The following GBP6 variants were observed in gnomAD, a reference collection of about 807,000 sequenced individuals.
GBP6 encodes the protein guanylate-binding protein 6.
GBP6 carries 54 observed loss-of-function variants against 61.5 expected under a neutral mutation model. That is an observed-to-expected ratio of 0.88 (90% CI 0.71 to 1.10). The LOEUF is 1.10. Among genes scored for constraint, GBP6 ranks in the 50% least tolerant of loss-of-function variants. The probability of loss-of-function intolerance (pLI) is 0.00; values close to 1 mark genes in which losing one functional copy is unlikely to be tolerated. For synonymous variants in GBP6, 255 were observed against 273.7 expected, an observed-to-expected ratio of 0.93 and a Z score of 0.67; for missense variants, 748 against 752.8, an observed-to-expected ratio of 0.99 and a Z score of 0.07.
In GBP6 at chr1:89,381,795, G is replaced by A. The variant is rs1652985983; in HGVS notation, c.973G>A (p.Ala325Thr). ...AACTCTGGCCCAGCGTGAGAACTCA[G>A]CGGCCGTGCAGAGGGCAGCTGACTA... is the stretch of plus-strand genomic sequence containing the variant. Reference protein sequence around the residue: ...VITLAQRENSAAVQRAADYYS... With the variant: ...VITLAQRENSTAVQRAADYYS... Residue 325 changes from alanine (A) to threonine (T), a missense_variant, in exon 7 of 11, where the codon GCG (alanine) becomes ACG (threonine). Physicochemically the swap from Ala to Thr is moderately conservative, Grantham distance 58. Transcript: ENST00000370456. 6.2e-7 allele frequency: 1 copy of A among 1,614,134 alleles called. No homozygotes were observed. The highest frequency in any genetic ancestry group is 8.5e-7 in the Non-Finnish European group (1 of 1,180,008).
Position 89,378,498 on chromosome 1 carries a change from G to A in GBP6, c.510G>A (p.Val170=). The stretch of plus-strand genomic sequence containing the variant: ...GAGTAGAAGATTCCACAGAGTTTGT[G>A]AGTTTCTTCCCAGACTTTCTTTGGA... ...PDGVEDSTEF[V]SFFPDFLWTV... The change falls in exon 5 of 11, where the codon GTG becomes GTA. Residue 170 remains valine, a synonymous_variant. Transcript: ENST00000370456. 1 of 1,614,142 alleles carries A rather than the reference G, an allele frequency of 6.2e-7. No homozygotes were observed. Among genetic ancestry groups the A allele is most frequent in the Non-Finnish European group, 8.5e-7 (1 of 1,179,990 alleles).
At chr1:89,371,586 A>G (rs1266669026) in intron 3 of GBP6, among the ~76,000 whole-genome samples, 1 of 152,254 alleles carries the variant, frequency 6.6e-6, no homozygotes, top group Non-Finnish European at 1.5e-5. Flanking sequence ...CAATAGATGC[A>G]GAAAAGGCCT....
chr1:89,380,294 G>A, intron 5 of GBP6, 92 bp from the exon 6 acceptor site: 1 of 1,127,274 alleles, frequency 8.9e-7, no homozygotes, highest in Non-Finnish European at 1.3e-6. Context: ...ATAGAAGATG[G>A]CAAAAAGACA....
At chr1:89,365,815 T>C (rs1019019232) in intron 1 of GBP6, among the ~76,000 whole-genome samples, 11 of 152,222 alleles carry the variant, frequency 7.2e-5, no homozygotes, top group African/African-American at 2.7e-4. Flanking sequence ...ACCTCCTTGG[T>C]CAAGGCCACA....
At chr1:89,377,960 A>C (rs1652852229) in intron 3 of GBP6, 143 bp from the exon 4 acceptor site, 1 of 712,364 alleles carries the variant, frequency 1.4e-6, no homozygotes, top group African/African-American at 1.8e-5. Flanking sequence ...TATTGTAACA[A>C]ACTGTTGTTT....
chr1:89,385,254 G>A lies in GBP6; in HGVS notation c.1687G>A (p.Gly563Arg), dbSNP rs775373620. Residue 563 changes from glycine to arginine, a missense_variant, in exon 11 of 11, where the codon GGA becomes AGA. Coordinates refer to ENST00000370456, the MANE Select transcript of GBP6 (RefSeq NM_198460.3). ...QKVQNDWLHE[G>R]FKKKYEEMNA... is the part of the protein sequence containing the mutation. ...GGTCCAAAATGATTGGCTTCATGAA[G>A]GATTTAAGAAGAAGTATGAGGAGAT... is the stretch of plus-strand genomic sequence containing the variant. 8.1e-6 allele frequency: 13 copies of A among 1,613,434 alleles called. No individual in the cohort carries two copies. The highest frequency in any genetic ancestry group is 1.0e-5 in the Non-Finnish European group (12 of 1,179,550).
chr1:89,379,353 G>GT (rs1557541345), intron 5 of GBP6, among the ~76,000 whole-genome samples: 1 of 152,060 alleles, frequency 6.6e-6, no homozygotes, highest in East Asian at 1.9e-4. Flanking sequence ...CATTGGGGGG[G>GT]GGGGGTCATA....
rs1448528526 is a variant in GBP6, at chr1:89,380,508, G to C, written c.748G>C (p.Glu250Gln). The C allele has an allele frequency of 1.2e-6, 2 of 1,614,088 alleles. No individual in the cohort carries two copies. The highest frequency in any genetic ancestry group is 2.2e-5 in the East Asian group (1 of 44,874). The part of the protein sequence containing the change: ...TNDKDLLANI[E>Q]KVSEKQLDPK... Reference sequence around the variant, plus strand: ...TGACAAAGACCTTCTAGCCAATATTGAGAAGGTGTCAGAAAAGCAACTGGA... The same window carrying C: ...TGACAAAGACCTTCTAGCCAATATTCAGAAGGTGTCAGAAAAGCAACTGGA... The change falls in exon 6 of 11, where the codon GAG becomes CAG. Residue 250 changes from glutamate to glutamine, a missense_variant. Physicochemically the swap from Glu to Gln is conservative, Grantham distance 29. Transcript: ENST00000370456.
intron 3 of GBP6, among the ~76,000 whole-genome samples, chr1:89,376,123 C>T (rs888799746): frequency 6.6e-5 from 10 of 152,174 alleles, no homozygotes; most frequent in Non-Finnish European, 1.2e-4. Context: ...TTGCCAATGA[C>T]AGGATTTCCT....
At chr1:89,366,833 C>A (rs1371998153) in intron 1 of GBP6, among the ~76,000 whole-genome samples, 1 of 152,172 alleles carries the variant, frequency 6.6e-6, no homozygotes, top group East Asian at 1.9e-4. Context: ...GCATTCCCTC[C>A]TCCCCCAGCC....
chr1:89,383,829 C>A (rs1415964178), intron 9 of GBP6, 75 bp downstream of exon 9: 2 of 1,165,012 alleles, frequency 1.7e-6, no homozygotes, highest in South Asian at 2.8e-5. Flanking sequence ...ACAGGAAAAC[C>A]TTCCCAAAAT....
chr1:89,386,968 A>G lies in GBP6; in HGVS notation c.*1499A>G, dbSNP rs552371120. Among the ~76,000 whole-genome samples the G allele has an allele frequency of 6.6e-6, 1 of 152,316 alleles. No homozygotes were observed. The highest frequency in any genetic ancestry group is 1.9e-4 in the East Asian group (1 of 5,182). On this transcript the variant is annotated 3_prime_UTR_variant, in exon 11 of 11. Transcript: ENST00000370456. ...GATAATTCTGAAGATGGTCAATACA[A>G]TGGACCAGCCATAGGGTTAAATGGG...
Position 89,383,725 on chromosome 1 carries a change from C to A in GBP6, c.1439C>A (p.Ala480Asp). The change falls in exon 9 of 11, where the codon GCC becomes GAC. Residue 480 changes from alanine to aspartate, a missense_variant. Coordinates refer to ENST00000370456, the MANE Select transcript of GBP6 (RefSeq NM_198460.3). ...IEESILQSDKALTDREKAVAV... is the reference protein window; with the variant it reads ...IEESILQSDKDLTDREKAVAV... ...GAATCCATCTTGCAGTCAGATAAAG[C>A]CCTCACTGATAGAGAGAAGGCAGTA... 1.2e-6 allele frequency: 2 copies of A among 1,612,646 alleles called. No homozygotes were observed. The highest frequency in any genetic ancestry group is 1.7e-6 in the Non-Finnish European group (2 of 1,179,556).
intron 1 of GBP6, among the ~76,000 whole-genome samples, chr1:89,366,923 C>T (rs1288889534): frequency 6.6e-6 from 1 of 152,154 alleles, no homozygotes; most frequent in Non-Finnish European, 1.5e-5. Flanking sequence ...TCTTTTGCGC[C>T]TGGCATATTT....
rs1051699709 is a variant in GBP6, at chr1:89,385,706, T to C, written c.*237T>C. 1.4e-5 allele frequency: 5 copies of C among 356,074 alleles called. No homozygotes were observed. The highest frequency in any genetic ancestry group is 2.5e-5 in the Non-Finnish European group (5 of 197,458). 22.1% of individuals were successfully genotyped at this position (356,074 alleles called of 1,614,324 possible). ...CACCACCACACCCAGCTAATTTTTG[T>C]ATTTTTAGTAGAGATGGGGTTTCAC... On this transcript the variant is annotated 3_prime_UTR_variant, in exon 11 of 11. Transcript: ENST00000370456.
intron 3 of GBP6, among the ~76,000 whole-genome samples, chr1:89,376,481 A>G (rs1431362307): frequency 6.6e-6 from 1 of 152,126 alleles, no homozygotes; most frequent in Non-Finnish European, 1.5e-5. Context: ...CCTTTCTTCA[A>G]TATAAGTTCT....
At chr1:89,383,517 C>G (rs570017084) in intron 8 of GBP6, 135 bp from the exon 9 acceptor site, 1 of 641,458 alleles carries the variant, frequency 1.6e-6, no homozygotes. Flanking sequence ...CTAAAGAGCC[C>G]GCACACTTTG....
At chr1:89,369,444 G>A in intron 2 of GBP6, 102 bp from the exon 3 acceptor site, 1 of 1,320,102 alleles carries the variant, frequency 7.6e-7, no homozygotes, top group Non-Finnish European at 1.0e-6. Context: ...GGACCATCAT[G>A]TATGTTGGGG....
At chr1:89,365,932 A>T (rs1417973810) in intron 1 of GBP6, among the ~76,000 whole-genome samples, 2 of 152,198 alleles carry the variant, frequency 1.3e-5, no homozygotes, top group Admixed American at 1.3e-4. Flanking sequence ...AGACAATATT[A>T]TGTTTACATT....
Sources: allele counts gnomAD v4.1 joint callset (sites outside exome capture counted in the v4.1 genomes callset), GRCh38; gene constraint gnomAD v4.1.1; transcripts MANE v1.5; gene names NCBI Gene and HGNC (gene_info 2026-07-23, HGNC 2026-07-21).